MTHFD1L: variants seen among roughly 807,000 people sequenced by gnomAD.
The protein encoded by MTHFD1L is monofunctional C1-tetrahydrofolate synthase, mitochondrial.
A neutral mutation model predicts 119.5 loss-of-function variants in MTHFD1L; 81 were observed. The observed-to-expected ratio is 0.68, with a 90% CI of 0.57 to 0.82. The LOEUF is 0.82. MTHFD1L is among the 40% of genes least tolerant of loss of function. The pLI, the probability that MTHFD1L is intolerant of heterozygous loss-of-function variation, is 0.00. For missense variants in MTHFD1L, 1,125 were observed against 1,253.4 expected, an observed-to-expected ratio of 0.90 and a Z score of 1.55; for synonymous variants, 430 against 475.2, an observed-to-expected ratio of 0.90 and a Z score of 1.24.
At chr6:150,943,369 G>A (rs1466764853) in intron 13 of MTHFD1L, among the ~76,000 whole-genome samples, 1 of 152,138 alleles carries the variant, frequency 6.6e-6, no homozygotes, top group African/African-American at 2.4e-5. Context: ...GGTGGCTCAT[G>A]CCTGGAATCC....
At position 150,882,830 on chromosome 6, in the gene MTHFD1L, G is replaced by A. The variant is rs752869517; in HGVS notation, c.486G>A (p.Glu162=). The A allele has an allele frequency of 4.4e-6, 7 of 1,579,104 alleles. No homozygotes were observed. Among genetic ancestry groups the A allele is most frequent in the East Asian group, 2.3e-5 (1 of 42,660 alleles). ...RVHGLALQIS[E]NLFSNKVLNA... ...ATGGCCTTGCCCTTCAGATCTCTGA[G>A]AACTTGTTTAGCAACAAAGTCCTCA... is the stretch of plus-strand genomic sequence containing the variant. Residue 162 remains glutamate (E), a synonymous_variant, in exon 5 of 28, where the codon GAG becomes GAA. Transcript: ENST00000367321.
At position 150,866,019 on chromosome 6, in the gene MTHFD1L, G is replaced by C; in HGVS notation, c.197G>C (p.Arg66Pro). The change falls in exon 1 of 28, where the codon CGA (arginine) becomes CCA (proline). Residue 66 changes from arginine to proline, a missense_variant. Physicochemically the swap from Arg to Pro is moderately radical, Grantham distance 103. This residue lies in a region of MTHFD1L where 1,058 missense variants were observed against 1,151.2 expected (regional missense o/e 0.92). Transcript: ENST00000367321. ...CGGAGCAGCTGCAGCCCCGGCGGCC[G>C]AACGCCCGCGGCGCGGGACTCCATC... ...QARSSCSPGGRTPAARDSIVR... is the reference protein window; with the variant it reads ...QARSSCSPGGPTPAARDSIVR... 4 of 1,397,058 alleles carry C rather than the reference G, an allele frequency of 2.9e-6. No homozygotes were observed. In the South Asian group the frequency reaches 6.2e-5, roughly 22 times the overall value. The allele number at this position is 1,397,058 out of a possible 1,614,324, so 86.5% of individuals were successfully genotyped here.
At chr6:150,947,595 T>G (rs1794190515) in intron 15 of MTHFD1L, among the ~76,000 whole-genome samples, 1 of 147,172 alleles carries the variant, frequency 6.8e-6, no homozygotes, top group South Asian at 2.1e-4. Flanking sequence ...TGGCTGGGCA[T>G]TAAAAGTTTT....
intron 26 of MTHFD1L, among the ~76,000 whole-genome samples, chr6:151,048,354 C>T (rs987832492): frequency 5.9e-5 from 9 of 152,158 alleles, no homozygotes; most frequent in Non-Finnish European, 1.0e-4. Flanking sequence ...AGTCGCCTCA[C>T]CCACCATCTA....
chr6:151,052,930 G>C (rs1465737254), intron 26 of MTHFD1L, among the ~76,000 whole-genome samples: 1 of 152,192 alleles, frequency 6.6e-6, no homozygotes, highest in Non-Finnish European at 1.5e-5. Context: ...GCTGAATAAA[G>C]GGACAAATGA....
rs142842870 is a variant in MTHFD1L at position 151,071,879 on chromosome 6, A to G, written c.2848-20588A>G. 3.6e-3 allele frequency among the ~76,000 whole-genome samples: 461 copies of G among 128,060 alleles called. 2 individuals carry two copies. The highest frequency in any genetic ancestry group is 0.013 in the African/African-American group (427 of 33,882). The allele number at this position is 128,060 out of a possible 152,430, so 84.0% of individuals were successfully genotyped here. Reference sequence around the variant, plus strand: ...TTTTTTGAGTTGGAGTCTCACTCCGATCATCCAGACTGGAGTGCAATGGCG... The same window carrying G: ...TTTTTTGAGTTGGAGTCTCACTCCGGTCATCCAGACTGGAGTGCAATGGCG... On this transcript the variant is annotated intron_variant, in intron 26 of 27. Coordinates refer to ENST00000367321, the MANE Select transcript of MTHFD1L (RefSeq NM_015440.5).
intron 26 of MTHFD1L, among the ~76,000 whole-genome samples, chr6:151,054,542 A>AT (rs1212497037): frequency 6.6e-6 from 1 of 152,204 alleles, no homozygotes; most frequent in Non-Finnish European, 1.5e-5. Context: ...TGTTATCAAC[A>AT]TGCAGTCAGT....
Position 151,014,861 on chromosome 6 carries a change from G to A in MTHFD1L, c.2308-19G>A. 1 of 1,610,104 alleles carries A rather than the reference G, an allele frequency of 6.2e-7. No individual in the cohort carries two copies. The highest frequency in any genetic ancestry group is 2.2e-5 in the East Asian group (1 of 44,850). The stretch of plus-strand genomic sequence containing the variant: ...GACAATACACAGGGGTCTGGGTTTT[G>A]CTTTTTTCTTTTTTACAGAACATCC... On this transcript the variant is annotated intron_variant, in intron 22 of 27. Transcript: ENST00000367321.
chr6:150,871,026 CTTAA>C lies in MTHFD1L; in HGVS notation c.227+4980_227+4983del, dbSNP rs1190089284. Among the ~76,000 whole-genome samples the C allele has an allele frequency of 1.7e-4, 24 of 139,838 alleles. No homozygotes were observed. In the East Asian group the frequency reaches 2.3e-3, roughly 13 times the overall value. The allele number at this position is 139,838 out of a possible 152,430, so 91.7% of individuals were successfully genotyped here. Reference sequence around the variant, plus strand: ...TATAATATAATATAATTATATATACCTTAATTTATATATATACCTTATAATATAT... The same window carrying C: ...TATAATATAATATAATTATATATACCTTTATATATATACCTTATAATATAT... On this transcript the variant is annotated intron_variant, in intron 1 of 27. Coordinates refer to ENST00000367321, the MANE Select transcript of MTHFD1L (RefSeq NM_015440.5).
chr6:150,943,903 C>T (rs1182193757), intron 13 of MTHFD1L, among the ~76,000 whole-genome samples: 1 of 152,026 alleles, frequency 6.6e-6, no homozygotes, highest in African/African-American at 2.4e-5. Flanking sequence ...TTATGCCCTG[C>T]CTCACTCCAA....
intron 20 of MTHFD1L, among the ~76,000 whole-genome samples, chr6:150,990,919 G>A (rs1270240721): frequency 1.3e-5 from 2 of 152,078 alleles, no homozygotes; most frequent in Non-Finnish European, 1.5e-5. Context: ...GCAGTGGTGC[G>A]ATCTCAGCTC....
At chr6:150,955,040 A>G (rs1483681316) in intron 16 of MTHFD1L, among the ~76,000 whole-genome samples, 4 of 152,028 alleles carry the variant, frequency 2.6e-5, no homozygotes, top group Admixed American at 6.6e-5. Flanking sequence ...TAAAATATAC[A>G]TAACGAAATA....
chr6:150,865,836 T>C lies in MTHFD1L; in HGVS notation c.14T>C (p.Leu5Pro). 1.6e-6 allele frequency: 2 copies of C among 1,263,822 alleles called. No individual in the cohort carries two copies. The highest frequency in any genetic ancestry group is 2.0e-6 in the Non-Finnish European group (2 of 997,502). The allele number at this position is 1,263,822 out of a possible 1,614,324, so 78.3% of individuals were successfully genotyped here. A position where few individuals can be genotyped will look rare whatever the true frequency, so the allele number is the denominator to read the frequency against. ...CCGTCCCGCGCCATGGGCACGCGTC[T>C]GCCGCTCGTCCTGCGCCAGCTCCGC... is the stretch of plus-strand genomic sequence containing the variant. MGTR[L>P]PLVLRQLRRP... The change falls in exon 1 of 28, where the codon CTG becomes CCG. Residue 5 changes from leucine to proline, a missense_variant. Physicochemically the swap from Leu to Pro is moderately conservative, Grantham distance 98. Coordinates refer to ENST00000367321, the MANE Select transcript of MTHFD1L (RefSeq NM_015440.5).
chr6:151,024,034 G>C (rs916589235), intron 24 of MTHFD1L, among the ~76,000 whole-genome samples: 1 of 151,732 alleles, frequency 6.6e-6, no homozygotes, highest in Non-Finnish European at 1.5e-5. Flanking sequence ...TACGATCTTA[G>C]GGTTTAGGGG....
chr6:150,963,025 C>T (rs1442823084), intron 18 of MTHFD1L, among the ~76,000 whole-genome samples: 1 of 149,608 alleles, frequency 6.7e-6, no homozygotes, highest in Non-Finnish European at 1.5e-5. Context: ...AAGTGATTCT[C>T]CTGCCTCAGC....
chr6:150,959,022 T>A (rs1479778184), intron 17 of MTHFD1L: 5 of 188,976 alleles, frequency 2.6e-5, no homozygotes, highest in African/African-American at 1.2e-4. Context: ...TTTTTAGTCA[T>A]TTTCTCATAT....
chr6:150,988,587 A>T (rs1778622695), intron 20 of MTHFD1L, among the ~76,000 whole-genome samples: 1 of 122,632 alleles, frequency 8.2e-6, no homozygotes, highest in African/African-American at 3.6e-5. Context: ...AAAACAGATT[A>T]TTAGGGCTTT....
intron 20 of MTHFD1L, among the ~76,000 whole-genome samples, chr6:150,990,553 A>C (rs1778925365): frequency 6.6e-6 from 1 of 151,486 alleles, no homozygotes; most frequent in Non-Finnish European, 1.5e-5. Context: ...TCCACCTCCC[A>C]GGTTCAAGTG....
chr6:151,056,784 C>A (rs1050710248), intron 26 of MTHFD1L, among the ~76,000 whole-genome samples: 1 of 152,154 alleles, frequency 6.6e-6, no homozygotes, highest in Non-Finnish European at 1.5e-5. Flanking sequence ...GCTCCAGTTA[C>A]AAGCCTGTGT....
Sources: gnomAD v4.1 joint callset for allele counts (sites outside exome capture counted in the v4.1 genomes callset) on GRCh38, gnomAD v4.1.1 for gene constraint, gnomAD v4.1.1 regional missense constraint, MANE v1.5 for transcripts, NCBI Gene and HGNC (gene_info 2026-07-23, HGNC 2026-07-21) for gene names.